SLC44A1: variants seen among roughly 807,000 people sequenced by gnomAD.
The protein encoded by SLC44A1 is choline transporter-like protein 1.
Under a neutral mutation model 79.3 loss-of-function variants are expected in SLC44A1, and 26 were observed. The ratio of observed to expected loss-of-function variants is 0.33; its 90% CI spans 0.24 to 0.46. SLC44A1 has a LOEUF of 0.46. SLC44A1 is among the 20% of genes least tolerant of loss of function. The pLI is 1.00. For missense variants in SLC44A1, 688 were observed against 798.1 expected, an observed-to-expected ratio of 0.86 and a Z score of 1.66; for synonymous variants, 263 against 286.2, an observed-to-expected ratio of 0.92 and a Z score of 0.82.
In SLC44A1 at chr9:105,391,335, G is replaced by T; in HGVS notation, c.*2279G>T. On this transcript the variant is annotated 3_prime_UTR_variant, in exon 16 of 16. Transcript: ENST00000374720. ...AATCAGAAAGAAATTTTGTATTTTT[G>T]TATAACTTGATTGTGTGCCATTTTA... The T allele has an allele frequency of 1.0e-6, 1 of 985,350 alleles. No homozygotes were observed. Among genetic ancestry groups the T allele is most frequent in the African/African-American group, 1.7e-5 (1 of 57,330 alleles). The allele number at this position is 985,350 out of a possible 1,614,324, so 61.0% of individuals were successfully genotyped here.
chr9:105,396,221 T>C lies in SLC44A1; in HGVS notation c.*7165T>C, dbSNP rs1828872655. 7.1e-6 allele frequency: 7 copies of C among 984,952 alleles called. No individual in the cohort carries two copies. Among genetic ancestry groups the C allele is most frequent in the Non-Finnish European group, 8.4e-6 (7 of 829,598 alleles). 61.0% of individuals were successfully genotyped at this position (984,952 alleles called of 1,614,324 possible). ...GAGAGCTCCATAATGAAAGAAGTTGTTATACTTTCTCAGAATATTCTGGAC... is the reference window on the plus strand; with the variant it reads ...GAGAGCTCCATAATGAAAGAAGTTGCTATACTTTCTCAGAATATTCTGGAC... On this transcript the variant is annotated 3_prime_UTR_variant, in exon 16 of 16. Transcript: ENST00000374720.
chr9:105,281,176 G>A (rs1272900199), intron 1 of SLC44A1, among the ~76,000 whole-genome samples: 1 of 152,184 alleles, frequency 6.6e-6, no homozygotes, highest in African/African-American at 2.4e-5. Context: ...GGTGGCTGGG[G>A]CGTACCCTGG....
At chr9:105,283,256 A>C (rs1830401298) in intron 1 of SLC44A1, among the ~76,000 whole-genome samples, 1 of 152,180 alleles carries the variant, frequency 6.6e-6, no homozygotes, top group Non-Finnish European at 1.5e-5. Flanking sequence ...CAGATCTAAG[A>C]GCTGCTTATT....
intron 1 of SLC44A1, among the ~76,000 whole-genome samples, chr9:105,286,479 A>T (rs1222937355): frequency 6.6e-6 from 1 of 152,246 alleles, no homozygotes; most frequent in Non-Finnish European, 1.5e-5. Context: ...CAATAATATT[A>T]GCTAAAATCT....
intron 15 of SLC44A1, chr9:105,386,010 ACTTT>A (rs1828616885): frequency 1.0e-6 from 1 of 985,046 alleles, no homozygotes; most frequent in African/African-American, 1.7e-5. Context: ...CCTAGGTTGT[ACTTT>A]CTTTGTTTCT....
Position 105,305,843 on chromosome 9 carries a change from CTTTTTTT to C in SLC44A1, c.127-3863_127-3857del, listed in dbSNP as rs748755778. ...CATGCTTGTGAAATAAAAGTGTGTC[CTTTTTTT>C]TTTTTTTTTTTTTTTTTACTAATAG... is the stretch of plus-strand genomic sequence containing the variant. On this transcript the variant is annotated intron_variant, in intron 2 of 15. Transcript: ENST00000374720. Among the ~76,000 whole-genome samples, 13 of 84,982 alleles carry C rather than the reference CTTTTTTT, an allele frequency of 1.5e-4. No homozygotes were observed. The East Asian group carries it at 2.5e-3, about 16-fold the overall frequency. 55.8% of individuals were successfully genotyped at this position (84,982 alleles called of 152,430 possible).
intron 15 of SLC44A1, among the ~76,000 whole-genome samples, chr9:105,413,997 A>C (rs544981458): frequency 6.6e-6 from 1 of 152,138 alleles, no homozygotes; most frequent in South Asian, 2.1e-4. Context: ...AGTTAAAAAA[A>C]AAAATAGATG....
intron 15 of SLC44A1, chr9:105,385,746 G>GC: frequency 1.0e-6 from 1 of 985,432 alleles, no homozygotes; most frequent in Non-Finnish European, 1.2e-6. Context: ...CTCGGCAGGG[G>GC]CGGGTAGGGG....
intron 15 of SLC44A1, among the ~76,000 whole-genome samples, chr9:105,407,174 C>G (rs1286323918): frequency 6.6e-6 from 1 of 151,672 alleles, no homozygotes; most frequent in Non-Finnish European, 1.5e-5. Flanking sequence ...ATGGGAGTCC[C>G]AGAAAGAGAA....
At chr9:105,358,297 C>T (rs1198467445) in intron 6 of SLC44A1, 47 bp from the exon 7 acceptor site, 1 of 1,076,634 alleles carries the variant, frequency 9.3e-7, no homozygotes, top group Admixed American at 1.9e-5. Context: ...TTTGTATTTA[C>T]CTGCATTTTC....
chr9:105,249,873 T>C (rs1829542836), intron 1 of SLC44A1, among the ~76,000 whole-genome samples: 2 of 149,344 alleles, frequency 1.3e-5, no homozygotes, highest in Admixed American at 1.3e-4. Flanking sequence ...TAATTTTTTT[T>C]TTTTTTTTTT....
chr9:105,385,895 C>T lies in SLC44A1; in HGVS notation c.1950+393C>T, dbSNP rs889009029. On this transcript the variant is annotated intron_variant, in intron 15 of 15. Transcript: ENST00000374720. Reference sequence around the variant, plus strand: ...GATTTTTATCATTTTGGAAGGTGATCATAGCAATTCCTTTCAACTTGCTAA... The same window carrying T: ...GATTTTTATCATTTTGGAAGGTGATTATAGCAATTCCTTTCAACTTGCTAA... 50 of 984,780 alleles carry T rather than the reference C, an allele frequency of 5.1e-5. 1 individual carries two copies. In the Admixed American group the frequency reaches 2.7e-3, roughly 53 times the overall value. The allele number at this position is 984,780 out of a possible 1,614,324, so 61.0% of individuals were successfully genotyped here. A position where few individuals can be genotyped will look rare whatever the true frequency, so the allele number is the denominator to read the frequency against.
At chr9:105,380,790 T>C (rs1483431911) in intron 13 of SLC44A1, among the ~76,000 whole-genome samples, 1 of 152,154 alleles carries the variant, frequency 6.6e-6, no homozygotes, top group African/African-American at 2.4e-5. Flanking sequence ...AGACATAGTC[T>C]TTATCAGCAC....
At chr9:105,349,327 G>A (rs1378318820) in intron 5 of SLC44A1, among the ~76,000 whole-genome samples, 1 of 152,120 alleles carries the variant, frequency 6.6e-6, no homozygotes, top group South Asian at 2.1e-4. Flanking sequence ...ATTATAGGAA[G>A]CTGTTGTATA....
chr9:105,437,480 C>A (rs7848783), intron 15 of SLC44A1, among the ~76,000 whole-genome samples: 22,698 of 151,368 alleles, frequency 0.15, 3,410 homozygotes, highest in African/African-American at 0.39. Context: ...CTCTCTCTCT[C>A]TATATATATA....
Position 105,391,239 on chromosome 9 carries a change from T to C in SLC44A1, c.*2183T>C, listed in dbSNP as rs933199097. 1.5e-5 allele frequency: 15 copies of C among 985,812 alleles called. No homozygotes were observed. The highest frequency in any genetic ancestry group is 1.8e-5 in the Non-Finnish European group (15 of 829,908). The allele number at this position is 985,812 out of a possible 1,614,324, so 61.1% of individuals were successfully genotyped here. A position where few individuals can be genotyped will look rare whatever the true frequency, so the allele number is the denominator to read the frequency against. ...TGGACTGTTGCTGCTCCCTGTTCCA[T>C]ATGCTCGCAATCTCAGCTATTTGGA... On this transcript the variant is annotated 3_prime_UTR_variant, in exon 16 of 16. Coordinates refer to ENST00000374720, the MANE Select transcript of SLC44A1 (RefSeq NM_080546.5).
rs570950056 is a variant in SLC44A1, at chr9:105,395,898, CTTTTT to C, written c.*6853_*6857del. 8.1e-6 allele frequency: 7 copies of C among 860,606 alleles called. No homozygotes were observed. In the African/African-American group the frequency reaches 1.3e-4, roughly 16 times the overall value. The allele number at this position is 860,606 out of a possible 1,614,324, so 53.3% of individuals were successfully genotyped here. A position where few individuals can be genotyped will look rare whatever the true frequency, so the allele number is the denominator to read the frequency against. On this transcript the variant is annotated 3_prime_UTR_variant, in exon 16 of 16. Coordinates refer to ENST00000374720, the MANE Select transcript of SLC44A1 (RefSeq NM_080546.5). ...TACCATGTTGATAATCCGGTGGTGA[CTTTTT>C]TTTTTTTTTTGTAAATTGTATTAGA...
In SLC44A1 at chr9:105,395,734, G is replaced by T. The variant is rs35275407; in HGVS notation, c.*6678G>T. On this transcript the variant is annotated 3_prime_UTR_variant, in exon 16 of 16. Transcript: ENST00000374720. ...AGCTAGGATTATAATTTGAACTGTC[G>T]TTTCAGGAGCATGTGTTAAATCATA... The T allele has an allele frequency of 0.023, 22,599 of 984,934 alleles. 257 individuals carry two copies. Among genetic ancestry groups the T allele is most frequent in the Non-Finnish European group, 0.024 (19,929 of 829,646 alleles). The allele number at this position is 984,934 out of a possible 1,614,324, so 61.0% of individuals were successfully genotyped here. A position where few individuals can be genotyped will look rare whatever the true frequency, so the allele number is the denominator to read the frequency against.
At chr9:105,271,500 A>G (rs1830075688) in intron 1 of SLC44A1, among the ~76,000 whole-genome samples, 1 of 152,234 alleles carries the variant, frequency 6.6e-6, no homozygotes, top group African/African-American at 2.4e-5. Flanking sequence ...GAATGGTACG[A>G]GCAAACACAT....
Sources: allele counts gnomAD v4.1 joint callset (sites outside exome capture counted in the v4.1 genomes callset), GRCh38; gene constraint gnomAD v4.1.1; transcripts MANE v1.5; gene names NCBI Gene and HGNC (gene_info 2026-07-23, HGNC 2026-07-21).